Variants in CNTNAP2 observed in about 807,000 individuals in gnomAD.
CNTNAP2 encodes the protein contactin-associated protein-like 2.
Under a neutral mutation model 155.2 loss-of-function variants are expected in CNTNAP2, and 98 were observed. The observed-to-expected ratio is 0.63, with a 90% CI of 0.54 to 0.75. The LOEUF is 0.75. Ranked by LOEUF, CNTNAP2 falls within the 30% of genes least tolerant of loss-of-function variation. CNTNAP2 has a pLI of 0.00. For missense variants in CNTNAP2, 1,727 were observed against 1,688.1 expected, an observed-to-expected ratio of 1.02 and a Z score of -0.40; for synonymous variants, 651 against 631.2, an observed-to-expected ratio of 1.03 and a Z score of -0.47.
At chr7:147,743,048 C>A (rs1013987222) in intron 13 of CNTNAP2, among the ~76,000 whole-genome samples, 8 of 152,244 alleles carry the variant, frequency 5.3e-5, no homozygotes, top group African/African-American at 1.9e-4. Flanking sequence ...AATTTATCAT[C>A]AAAAATACTA....
intron 1 of CNTNAP2, among the ~76,000 whole-genome samples, chr7:146,507,407 T>C (rs1184824421): frequency 6.6e-6 from 1 of 152,220 alleles, no homozygotes; most frequent in African/African-American, 2.4e-5. Context: ...GCACTTGCTG[T>C]ATGGCCCATT....
intron 12 of CNTNAP2, chr7:147,638,900 T>A (rs994785263): frequency 3.0e-6 from 2 of 668,552 alleles, no homozygotes; most frequent in Non-Finnish European, 5.4e-6. Flanking sequence ...TTGTTTTCAA[T>A]AAAAATATTA....
At chr7:147,933,396 A>G in intron 14 of CNTNAP2, among the ~76,000 whole-genome samples, 1 of 152,184 alleles carries the variant, frequency 6.6e-6, no homozygotes, top group African/African-American at 2.4e-5. Flanking sequence ...CAATATTCAC[A>G]GTAGCCAAGA....
chr7:147,638,472 C>A (rs556471955), intron 12 of CNTNAP2, among the ~76,000 whole-genome samples: 1 of 152,256 alleles, frequency 6.6e-6, no homozygotes, highest in Admixed American at 6.5e-5. Flanking sequence ...TTTTATTTAA[C>A]CTTATCTATT....
At chr7:146,376,281 T>C (rs1158985069) in intron 1 of CNTNAP2, among the ~76,000 whole-genome samples, 1 of 152,190 alleles carries the variant, frequency 6.6e-6, no homozygotes, top group African/African-American at 2.4e-5. Flanking sequence ...GCACTTCTTG[T>C]GCTCCGAATT....
intron 14 of CNTNAP2, among the ~76,000 whole-genome samples, chr7:147,936,651 C>T (rs1471354227): frequency 6.6e-6 from 1 of 152,058 alleles, no homozygotes; most frequent in African/African-American, 2.4e-5. Flanking sequence ...TCCTTTTTCT[C>T]CTCTTTCTTC....
Position 147,313,887 on chromosome 7 carries a change from A to T in CNTNAP2, c.1498+13597A>T, listed in dbSNP as rs563962003. On this transcript the variant is annotated intron_variant, in intron 9 of 23. Transcript: ENST00000361727. ...CATTTTCACGATATTGATTCTTCCTACCCATGAGTATGGAATGTTCTTCCA... is the reference window on the plus strand; with the variant it reads ...CATTTTCACGATATTGATTCTTCCTTCCCATGAGTATGGAATGTTCTTCCA... Among the ~76,000 whole-genome samples the T allele has an allele frequency of 1.3e-3, 195 of 151,200 alleles. 3 individuals are homozygous for T. Among genetic ancestry groups the T allele is most frequent in the African/African-American group, 4.4e-3 (182 of 41,106 alleles).
At chr7:146,455,995 A>G (rs1224976878) in intron 1 of CNTNAP2, among the ~76,000 whole-genome samples, 1 of 152,204 alleles carries the variant, frequency 6.6e-6, no homozygotes, top group African/African-American at 2.4e-5. Flanking sequence ...ATGAATTGAT[A>G]TGAAATCTGA....
At chr7:147,904,951 T>C (rs1799934442) in intron 14 of CNTNAP2, among the ~76,000 whole-genome samples, 1 of 151,906 alleles carries the variant, frequency 6.6e-6, no homozygotes, top group Admixed American at 6.6e-5. Context: ...GATTGGAAGT[T>C]GGGAATGGAG....
At chr7:146,814,559 G>C (rs1803127055) in intron 2 of CNTNAP2, among the ~76,000 whole-genome samples, 1 of 152,112 alleles carries the variant, frequency 6.6e-6, no homozygotes, top group Non-Finnish European at 1.5e-5. Context: ...TATTAGTTTA[G>C]CATTTGGAAA....
chr7:146,822,894 T>G (rs1803318117), intron 2 of CNTNAP2, among the ~76,000 whole-genome samples: 1 of 148,044 alleles, frequency 6.8e-6, no homozygotes, highest in East Asian at 2.0e-4. Flanking sequence ...CATATTTACA[T>G]GGAAATATAC....
At chr7:148,247,230 T>A (rs1362211392) in intron 20 of CNTNAP2, among the ~76,000 whole-genome samples, 1 of 152,222 alleles carries the variant, frequency 6.6e-6, no homozygotes, top group Admixed American at 6.5e-5. Flanking sequence ...ATGGAAAACA[T>A]GCTATTTTTC....
At chr7:146,885,710 A>C (rs1166266730) in intron 3 of CNTNAP2, among the ~76,000 whole-genome samples, 1 of 152,162 alleles carries the variant, frequency 6.6e-6, no homozygotes, top group Non-Finnish European at 1.5e-5. Flanking sequence ...CGAGCCAATA[A>C]GAAAACTTAA....
intron 13 of CNTNAP2, among the ~76,000 whole-genome samples, chr7:147,875,211 A>G (rs1194013700): frequency 1.3e-5 from 2 of 152,166 alleles, no homozygotes; most frequent in Non-Finnish European, 2.9e-5. Flanking sequence ...CATGCTGCTA[A>G]TAAGTACATA....
intron 1 of CNTNAP2, among the ~76,000 whole-genome samples, chr7:146,240,677 C>T (rs2116927062): frequency 6.6e-6 from 1 of 152,164 alleles, no homozygotes; most frequent in Non-Finnish European, 1.5e-5. Flanking sequence ...TTAGAATTCA[C>T]AAATTCCAGG....
Position 146,460,875 on chromosome 7 carries a change from G to A in CNTNAP2, c.98-313396G>A, listed in dbSNP as rs537152029. Among the ~76,000 whole-genome samples the A allele has an allele frequency of 1.6e-4, 25 of 152,270 alleles. No homozygotes were observed. In the South Asian group the frequency reaches 4.3e-3, roughly 26 times the overall value. On this transcript the variant is annotated intron_variant, in intron 1 of 23. Coordinates refer to ENST00000361727, the MANE Select transcript of CNTNAP2 (RefSeq NM_014141.6). ...AGGGTACAAAATTTCAGTTACATAAGATAAGTCAGTTCTACAGATCTATTG... is the reference window on the plus strand; with the variant it reads ...AGGGTACAAAATTTCAGTTACATAAAATAAGTCAGTTCTACAGATCTATTG...
At chr7:147,563,577 C>T (rs545824567) in intron 12 of CNTNAP2, among the ~76,000 whole-genome samples, 8 of 151,830 alleles carry the variant, frequency 5.3e-5, no homozygotes, top group East Asian at 1.9e-4. Flanking sequence ...TGTAGTGAGC[C>T]GAGATCAAGC....
At chr7:147,926,167 A>G (rs1300040298) in intron 14 of CNTNAP2, among the ~76,000 whole-genome samples, 2 of 152,134 alleles carry the variant, frequency 1.3e-5, no homozygotes, top group African/African-American at 2.4e-5. Flanking sequence ...TAGTATGAAG[A>G]GATATTAAAA....
chr7:147,575,508 CA>C (rs1259540097), intron 12 of CNTNAP2, among the ~76,000 whole-genome samples: 23 of 29,668 alleles, frequency 7.8e-4, no homozygotes, highest in African/African-American at 1.9e-3. Flanking sequence ...TAGGGGTATA[CA>C]ACTGTGTGTG....
Sources: allele counts gnomAD v4.1 joint callset (sites outside exome capture counted in the v4.1 genomes callset), GRCh38; gene constraint gnomAD v4.1.1; transcripts MANE v1.5; gene names NCBI Gene and HGNC (gene_info 2026-07-23, HGNC 2026-07-21).